Variants in PPIB observed in about 807,000 individuals in gnomAD.
PPIB encodes the protein peptidylprolyl isomerase B.
PPIB carries 15 observed loss-of-function variants against 20.1 expected under a neutral mutation model. The ratio of observed to expected loss-of-function variants is 0.75; its 90% CI spans 0.50 to 1.15. The LOEUF is 1.15. Among genes scored for constraint, PPIB ranks in the 50% most tolerant of loss-of-function variants. The pLI is 0.00. For synonymous variants in PPIB, 129 were observed against 111.0 expected (o/e 1.16, Z -1.02); for missense variants, 278 against 283.0 (o/e 0.98, Z 0.13).
Position 64,160,050 on chromosome 15 carries a change from C to A in PPIB, c.343+54G>T. The A allele has an allele frequency of 6.8e-7, 1 of 1,474,916 alleles. No homozygotes were observed. Among genetic ancestry groups the A allele is most frequent in the Non-Finnish European group, 9.5e-7 (1 of 1,053,450 alleles). The allele number at this position is 1,474,916 out of a possible 1,614,324, so 91.4% of individuals were successfully genotyped here. ...GGTCTCCCCAGCAGAACCTGGCCCT[C>A]CCACTGTGGAGGCTACACTGACATA... On this transcript the variant is annotated intron_variant, in intron 3 of 4. Transcript: ENST00000300026. This position sits in a 1 kb window ranked among gnomAD's most constrained non-coding sequence, Gnocchi z 4.8.
rs963893065 is a variant in PPIB, at chr15:64,161,650, G to A, written c.249+391C>T. 3.9e-5 allele frequency among the ~76,000 whole-genome samples: 6 copies of A among 151,910 alleles called. No homozygotes were observed. Among genetic ancestry groups the A allele is most frequent in the African/African-American group, 9.7e-5 (4 of 41,344 alleles). ...TGAGGCAGGAGAATCACTTAAACCC[G>A]GGAGGCGGAGGTTGCAGTGAGCTGA... On this transcript the variant is annotated intron_variant, in intron 2 of 4. Coordinates refer to ENST00000300026, the MANE Select transcript of PPIB (RefSeq NM_000942.5). This position sits in a 1 kb window ranked among gnomAD's most constrained non-coding sequence, Gnocchi z 4.2.
rs1020083774 is a variant in PPIB, at chr15:64,157,952, T to A, written c.344-1043A>T. Among the ~76,000 whole-genome samples, 1 of 152,162 alleles carries A rather than the reference T, an allele frequency of 6.6e-6. No individual in the cohort carries two copies. ...TGGGGAGACTGGACTCTGCCACATG[T>A]GCAGTGAGACCTGGCTGGAGTGCTG... On this transcript the variant is annotated intron_variant, in intron 3 of 4. Transcript: ENST00000300026. The surrounding 1 kb of genome is among the most constrained non-coding windows in gnomAD (Gnocchi z 4.2).
Position 64,161,458 on chromosome 15 carries a change from G to A in PPIB, c.249+583C>T, listed in dbSNP as rs576443218. Among the ~76,000 whole-genome samples the A allele has an allele frequency of 6.6e-6, 1 of 151,868 alleles. No individual in the cohort carries two copies. The highest frequency in any genetic ancestry group is 2.0e-4 in the East Asian group (1 of 5,066). ...AAATTTTTTTTGGCCGGGCATAGTG[G>A]CTCACACCTCTAATCCCAGCACTTT... On this transcript the variant is annotated intron_variant, in intron 2 of 4. Coordinates refer to ENST00000300026, the MANE Select transcript of PPIB (RefSeq NM_000942.5). This position sits in a 1 kb window ranked among gnomAD's most constrained non-coding sequence, Gnocchi z 4.2.
chr15:64,159,887 C>G lies in PPIB; in HGVS notation c.343+217G>C, dbSNP rs2081555905. The G allele has an allele frequency of 3.2e-6, 2 of 616,238 alleles. No homozygotes were observed. Among genetic ancestry groups the G allele is most frequent in the Middle Eastern group, 4.3e-4 (1 of 2,310 alleles). The allele number at this position is 616,238 out of a possible 1,614,324, so 38.2% of individuals were successfully genotyped here. A position where few individuals can be genotyped will look rare whatever the true frequency, so the allele number is the denominator to read the frequency against. ...AGGACGGTCACCTGGGAGAGATTCT[C>G]TTAGATCTACCATCAGGTCCACCCC... On this transcript the variant is annotated intron_variant, in intron 3 of 4. Transcript: ENST00000300026. The surrounding 1 kb of genome is among the most constrained non-coding windows in gnomAD (Gnocchi z 5.1).
At position 64,162,089 on chromosome 15, in the gene PPIB, CTT is replaced by C. The variant is rs2081566494; in HGVS notation, c.199_200del (p.Lys67AspfsTer8). ...VGRVIFGLFG[K>X]TVPKTVDNFV... ...AATTATCCACTGTTTTTGGAACAGT[CTT>C]TCCGAAGAGACCAAAGATCACCCGG... On this transcript the variant is annotated frameshift_variant, in exon 2 of 5. Coordinates refer to ENST00000300026, the MANE Select transcript of PPIB (RefSeq NM_000942.5). LOFTEE classifies it high-confidence loss of function. 2.5e-6 allele frequency: 4 copies of C among 1,614,188 alleles called. No individual in the cohort carries two copies. The highest frequency in any genetic ancestry group is 3.4e-6 in the Non-Finnish European group (4 of 1,180,020).
rs2081558896 is a variant in PPIB at position 64,160,431 on chromosome 15, A to G, written c.250-234T>C. On this transcript the variant is annotated intron_variant, in intron 2 of 4. Coordinates refer to ENST00000300026, the MANE Select transcript of PPIB (RefSeq NM_000942.5). This position sits in a 1 kb window ranked among gnomAD's most constrained non-coding sequence, Gnocchi z 4.8. ...CCATACAATTCCCAAGCTTTATACA[A>G]TTCTACATCACATAATGCTTTTCCC... 6.6e-6 allele frequency among the ~76,000 whole-genome samples: 1 copy of G among 152,160 alleles called. No individual in the cohort carries two copies. The highest frequency in any genetic ancestry group is 2.4e-5 in the African/African-American group (1 of 41,430).
chr15:64,156,209 G>A lies in PPIB; in HGVS notation c.529-64C>T. On this transcript the variant is annotated intron_variant, in intron 4 of 4. Transcript: ENST00000300026. This position sits in a 1 kb window ranked among gnomAD's most constrained non-coding sequence, Gnocchi z 6.4. ...CAGGAGGTCCACCGCTCAGGAGAAAGGCCCCAGCGTATGGCTCAGGAGGGC... is the reference window on the plus strand; with the variant it reads ...CAGGAGGTCCACCGCTCAGGAGAAAAGCCCCAGCGTATGGCTCAGGAGGGC... The A allele has an allele frequency of 5.0e-6, 8 of 1,602,356 alleles. No individual in the cohort carries two copies. The highest frequency in any genetic ancestry group is 6.8e-6 in the Non-Finnish European group (8 of 1,172,584).
At position 64,157,757 on chromosome 15, in the gene PPIB, C is replaced by T. The variant is rs1388784457; in HGVS notation, c.344-848G>A. 6.6e-6 allele frequency among the ~76,000 whole-genome samples: 1 copy of T among 152,196 alleles called. No individual in the cohort carries two copies. The highest frequency in any genetic ancestry group is 2.4e-5 in the African/African-American group (1 of 41,448). ...CCTTCTCACTGCACCTACCTTCATCCTGTGGTTCCACAGAATGGAACTGAG... is the reference window on the plus strand; with the variant it reads ...CCTTCTCACTGCACCTACCTTCATCTTGTGGTTCCACAGAATGGAACTGAG... On this transcript the variant is annotated intron_variant, in intron 3 of 4. Coordinates refer to ENST00000300026, the MANE Select transcript of PPIB (RefSeq NM_000942.5). The surrounding 1 kb of genome is among the most constrained non-coding windows in gnomAD (Gnocchi z 4.2).
In PPIB at chr15:64,156,922, A is replaced by G; in HGVS notation, c.344-13T>C. 6.2e-7 allele frequency: 1 copy of G among 1,613,922 alleles called. No individual in the cohort carries two copies. ...TAGATGCTCTTTCCTGGGAAAAAAG[A>G]CAGAGCAGGTCAGGGGCGCTGGATT... On this transcript the variant is annotated splice_polypyrimidine_tract_variant and intron_variant, in intron 3 of 4. Transcript: ENST00000300026. This position sits in a 1 kb window ranked among gnomAD's most constrained non-coding sequence, Gnocchi z 6.4.
intron 1 of PPIB, 119 bp downstream of exon 1, chr15:64,162,733 C>G: frequency 2.0e-6 from 3 of 1,489,974 alleles, no homozygotes; most frequent in Non-Finnish European, 2.7e-6. Flanking sequence ...ATGGGCAGGA[C>G]GGCCCAGACG....
At chr15:64,162,733 C>T in intron 1 of PPIB, 119 bp downstream of exon 1, 1 of 1,489,972 alleles carries the variant, frequency 6.7e-7, no homozygotes. Context: ...ATGGGCAGGA[C>T]GGCCCAGACG....
rs759664826 is a variant in PPIB, at chr15:64,162,872, C to A, written c.115G>T (p.Gly39Trp). 15 of 1,611,888 alleles carry A rather than the reference C, an allele frequency of 9.3e-6. No individual in the cohort carries two copies. Among genetic ancestry groups the A allele is most frequent in the Non-Finnish European group, 1.3e-5 (15 of 1,179,264 alleles). ...CGGACCTTGACGGTGACTTTGGGCC[C>A]CTTCTTCTTCTCATCGGCCGCAGAA... ...GPSAADEKKKGPKVTVKVYFD... is the reference protein window; with the variant it reads ...GPSAADEKKKWPKVTVKVYFD... Residue 39 changes from glycine to tryptophan, a missense_variant, in exon 1 of 5, where the codon GGG becomes TGG. Gly to Trp is a radical substitution (Grantham distance 184). Transcript: ENST00000300026.
rs1163323813 is a variant in PPIB at position 64,157,476 on chromosome 15, AGT to A, written c.344-569_344-568del. 1 of 160,452 alleles carries A rather than the reference AGT, an allele frequency of 6.2e-6. No homozygotes were observed. Among genetic ancestry groups the A allele is most frequent in the Admixed American group, 5.8e-5 (1 of 17,180 alleles). 9.9% of individuals were successfully genotyped at this position (160,452 alleles called of 1,614,324 possible). On this transcript the variant is annotated intron_variant, in intron 3 of 4. Coordinates refer to ENST00000300026, the MANE Select transcript of PPIB (RefSeq NM_000942.5). This position sits in a 1 kb window ranked among gnomAD's most constrained non-coding sequence, Gnocchi z 4.2. ...TGAACAGGAATAAAAGACAGCTGTGAGTGTGTGTGACGCGTCTGTCCACGTGG... is the reference window on the plus strand; with the variant it reads ...TGAACAGGAATAAAAGACAGCTGTGAGTGTGTGACGCGTCTGTCCACGTGG...
Position 64,157,832 on chromosome 15 carries a change from G to A in PPIB, c.344-923C>T, listed in dbSNP as rs1306044477. On this transcript the variant is annotated intron_variant, in intron 3 of 4. Coordinates refer to ENST00000300026, the MANE Select transcript of PPIB (RefSeq NM_000942.5). The surrounding 1 kb of genome is among the most constrained non-coding windows in gnomAD (Gnocchi z 4.2). ...CCAACCAGGAAGATGTTTCTGATTG[G>A]GCAGCAGGTAGGATGACTGAAAACC... Among the ~76,000 whole-genome samples the A allele has an allele frequency of 6.6e-6, 1 of 152,140 alleles. No homozygotes were observed. Among genetic ancestry groups the A allele is most frequent in the African/African-American group, 2.4e-5 (1 of 41,428 alleles).
In PPIB at chr15:64,159,833, AG is replaced by A; in HGVS notation, c.343+270del. The A allele has an allele frequency of 3.6e-6, 2 of 557,426 alleles. No homozygotes were observed. The highest frequency in any genetic ancestry group is 6.1e-5 in the Admixed American group (2 of 32,610). 34.5% of individuals were successfully genotyped at this position (557,426 alleles called of 1,614,324 possible). ...CCCCATTCTGAAGAGGTATCAGGAAAGGTCACCAGGCTATAGGCCTGGATCA... is the reference window on the plus strand; with the variant it reads ...CCCCATTCTGAAGAGGTATCAGGAAAGTCACCAGGCTATAGGCCTGGATCA... On this transcript the variant is annotated intron_variant, in intron 3 of 4. Transcript: ENST00000300026. The surrounding 1 kb of genome is among the most constrained non-coding windows in gnomAD (Gnocchi z 5.1).
At position 64,161,285 on chromosome 15, in the gene PPIB, T is replaced by A. The variant is rs2081562156; in HGVS notation, c.249+756A>T. ...CCTTTTATTTTTAATTAATTTATTTTTTTTTTGAGACAGGGTCTCACTCTA... is the reference window on the plus strand; with the variant it reads ...CCTTTTATTTTTAATTAATTTATTTATTTTTTGAGACAGGGTCTCACTCTA... On this transcript the variant is annotated intron_variant, in intron 2 of 4. Coordinates refer to ENST00000300026, the MANE Select transcript of PPIB (RefSeq NM_000942.5). This position sits in a 1 kb window ranked among gnomAD's most constrained non-coding sequence, Gnocchi z 4.2. Among the ~76,000 whole-genome samples, 1 of 151,906 alleles carries A rather than the reference T, an allele frequency of 6.6e-6. No homozygotes were observed. Among genetic ancestry groups the A allele is most frequent in the Non-Finnish European group, 1.5e-5 (1 of 67,968 alleles).
chr15:64,161,536 G>T lies in PPIB; in HGVS notation c.249+505C>A, dbSNP rs1486101925. On this transcript the variant is annotated intron_variant, in intron 2 of 4. Coordinates refer to ENST00000300026, the MANE Select transcript of PPIB (RefSeq NM_000942.5). This position sits in a 1 kb window ranked among gnomAD's most constrained non-coding sequence, Gnocchi z 4.2. The stretch of plus-strand genomic sequence containing the variant: ...AGGTCAGGAGTTCGAGTTCAGCCTG[G>T]CCAACATGGTGAAACCCTGTCACTA... 6.6e-6 allele frequency among the ~76,000 whole-genome samples: 1 copy of T among 151,690 alleles called. No individual in the cohort carries two copies. The highest frequency in any genetic ancestry group is 2.4e-5 in the African/African-American group (1 of 41,358).
chr15:64,160,246 G>C lies in PPIB; in HGVS notation c.250-49C>G. The stretch of plus-strand genomic sequence containing the variant: ...AGGAGGTGGTATGGGGCAGCAGGAA[G>C]ACATTACATTAAATAGGCCTCACAG... On this transcript the variant is annotated intron_variant, in intron 2 of 4. Coordinates refer to ENST00000300026, the MANE Select transcript of PPIB (RefSeq NM_000942.5). The surrounding 1 kb of genome is among the most constrained non-coding windows in gnomAD (Gnocchi z 4.8). 6.9e-7 allele frequency: 1 copy of C among 1,453,756 alleles called. No homozygotes were observed. The highest frequency in any genetic ancestry group is 9.7e-7 in the Non-Finnish European group (1 of 1,034,330). 90.1% of individuals were successfully genotyped at this position (1,453,756 alleles called of 1,614,324 possible).
rs3888854 is a variant in PPIB, at chr15:64,156,393, G to T, written c.529-248C>A. The T allele has an allele frequency of 3.1e-6, 2 of 636,706 alleles. No individual in the cohort carries two copies. Among genetic ancestry groups the T allele is most frequent in the Admixed American group, 2.5e-5 (1 of 40,646 alleles). 39.4% of individuals were successfully genotyped at this position (636,706 alleles called of 1,614,324 possible). On this transcript the variant is annotated intron_variant, in intron 4 of 4. Coordinates refer to ENST00000300026, the MANE Select transcript of PPIB (RefSeq NM_000942.5). This position sits in a 1 kb window ranked among gnomAD's most constrained non-coding sequence, Gnocchi z 6.4. The stretch of plus-strand genomic sequence containing the variant: ...TTGGGCCAAGGGTGAGGAGGAGGAA[G>T]AGGGTGACCAGGGCATGTGGCTTCT...
Sources: allele counts gnomAD v4.1 joint callset (sites outside exome capture counted in the v4.1 genomes callset), GRCh38; gene constraint gnomAD v4.1.1; non-coding constraint Gnocchi (gnomAD v3.1); transcripts MANE v1.5; gene names NCBI Gene and HGNC (gene_info 2026-07-23, HGNC 2026-07-21).